The following DLG2 variants were observed in gnomAD, a reference collection of about 807,000 sequenced individuals.
The protein encoded by DLG2 is disks large homolog 2.
Under a neutral mutation model 132.5 loss-of-function variants are expected in DLG2, and 45 were observed. The observed-to-expected ratio is 0.34, with a 90% CI of 0.27 to 0.44. The LOEUF is 0.44. DLG2 is among the 20% of genes least tolerant of loss of function. DLG2 has a pLI of 1.00. For missense variants in DLG2, 1,045 were observed against 1,196.9 expected (o/e 0.87, Z 1.87); for synonymous variants, 424 against 419.6 (o/e 1.01, Z -0.13).
intron 3 of DLG2, among the ~76,000 whole-genome samples, chr11:85,306,737 T>C (rs2079974301): frequency 6.6e-6 from 1 of 152,062 alleles, no homozygotes; most frequent in Non-Finnish European, 1.5e-5. Context: ...CACGCCCGGC[T>C]AATTTTTTGT....
At chr11:84,997,001 T>C in intron 6 of DLG2, among the ~76,000 whole-genome samples, 1 of 152,096 alleles carries the variant, frequency 6.6e-6, no homozygotes, top group East Asian at 1.9e-4. Context: ...GGTCATGCAG[T>C]AGTGCTGAGA....
chr11:85,085,418 T>C (rs1259389015), intron 6 of DLG2, among the ~76,000 whole-genome samples: 2 of 152,142 alleles, frequency 1.3e-5, no homozygotes, highest in Non-Finnish European at 2.9e-5. Flanking sequence ...ATTCCCTTCC[T>C]TTGTAACTTA....
chr11:84,966,829 T>A (rs978403080), intron 6 of DLG2, among the ~76,000 whole-genome samples: 4 of 152,104 alleles, frequency 2.6e-5, no homozygotes, highest in African/African-American at 9.7e-5. Flanking sequence ...AGAAATAATT[T>A]TAAAGATTCT....
At chr11:84,899,480 G>A (rs184638849) in intron 6 of DLG2, among the ~76,000 whole-genome samples, 40 of 152,118 alleles carry the variant, frequency 2.6e-4, no homozygotes, top group Non-Finnish European at 4.4e-4. Flanking sequence ...GGACCTCACC[G>A]TGCAACAAAT....
intron 16 of DLG2, among the ~76,000 whole-genome samples, chr11:83,848,483 T>C (rs1476979284): frequency 6.6e-6 from 1 of 152,232 alleles, no homozygotes; most frequent in Non-Finnish European, 1.5e-5. Flanking sequence ...TTCTCCCTTT[T>C]GTTCCTTATC....
chr11:83,995,418 G>A (rs961173239), intron 11 of DLG2, among the ~76,000 whole-genome samples: 1 of 152,122 alleles, frequency 6.6e-6, no homozygotes, highest in Non-Finnish European at 1.5e-5. Flanking sequence ...AATGAGGAGA[G>A]AGACTTTGAA....
chr11:83,631,359 ATTGAACAT>A (rs2063532243), intron 19 of DLG2: 1 of 151,900 alleles, frequency 6.6e-6, no homozygotes. Context: ...AGTAGTAATA[ATTGAACAT>A]TTGGAAACTA....
intron 7 of DLG2, among the ~76,000 whole-genome samples, chr11:84,497,627 A>G (rs561314421): frequency 4.6e-5 from 7 of 152,324 alleles, no homozygotes; most frequent in African/African-American, 1.4e-4. Context: ...TGTCCTCTGC[A>G]TGGCTCACAT....
chr11:85,183,811 A>T (rs1035703200), intron 4 of DLG2, among the ~76,000 whole-genome samples: 1 of 151,680 alleles, frequency 6.6e-6, no homozygotes, highest in African/African-American at 2.4e-5. Context: ...CTTAGCTGGA[A>T]CTCCATCCGT....
intron 21 of DLG2, chr11:83,486,117 TC>T: frequency 1.7e-6 from 1 of 586,316 alleles, no homozygotes; most frequent in Admixed American, 3.3e-5. Flanking sequence ...AGGGTTGGTG[TC>T]CAAAAACAAG....
intron 6 of DLG2, among the ~76,000 whole-genome samples, chr11:84,672,029 A>G (rs2099706450): frequency 6.6e-6 from 1 of 152,170 alleles, no homozygotes; most frequent in Non-Finnish European, 1.5e-5. Context: ...CCTCATTTGA[A>G]CAGTCCTCAT....
intron 17 of DLG2, among the ~76,000 whole-genome samples, chr11:83,794,437 G>GTTTTTT (rs200672667): frequency 7.8e-6 from 1 of 127,498 alleles, no homozygotes; most frequent in Non-Finnish European, 1.7e-5. Flanking sequence ...TTTACTATTG[G>GTTTTTT]TTTTTTTTTT....
chr11:85,221,144 G>A (rs575250045), intron 4 of DLG2, among the ~76,000 whole-genome samples: 61 of 151,658 alleles, frequency 4.0e-4, no homozygotes, highest in South Asian at 1.5e-3. Context: ...CTGGGTTCAT[G>A]CCATTCTCCT....
At chr11:84,259,961 A>G (rs1057082939) in intron 7 of DLG2, among the ~76,000 whole-genome samples, 3 of 152,184 alleles carry the variant, frequency 2.0e-5, no homozygotes, top group African/African-American at 7.2e-5. Context: ...TCTAGTCAAC[A>G]CAATTTGTCT....
intron 7 of DLG2, among the ~76,000 whole-genome samples, chr11:84,396,934 T>C (rs543424730): frequency 1.4e-4 from 21 of 152,284 alleles, no homozygotes; most frequent in Middle Eastern, 6.8e-3. Flanking sequence ...AGGTCCTAAA[T>C]TTAAGGGGGT....
intron 7 of DLG2, among the ~76,000 whole-genome samples, chr11:84,358,413 T>G (rs143591279): frequency 1.9e-3 from 287 of 151,486 alleles, no homozygotes; most frequent in African/African-American, 6.7e-3. Context: ...AAACCTACTT[T>G]CATTGGTATA....
At chr11:84,727,772 T>C (rs531126225) in intron 6 of DLG2, among the ~76,000 whole-genome samples, 51 of 152,346 alleles carry the variant, frequency 3.3e-4, no homozygotes, top group Admixed American at 9.8e-4. Context: ...TCTTATTTCC[T>C]TGAGCGGTGG....
chr11:85,587,953 G>A (rs952306314), intron 3 of DLG2, among the ~76,000 whole-genome samples: 28 of 152,140 alleles, frequency 1.8e-4, no homozygotes, highest in African/African-American at 6.8e-4. Flanking sequence ...CTTCATTTAT[G>A]AAGCTCAGTT....
chr11:84,450,106 G>T (rs1304554051), intron 7 of DLG2, among the ~76,000 whole-genome samples: 1 of 151,742 alleles, frequency 6.6e-6, no homozygotes, highest in Admixed American at 6.6e-5. Flanking sequence ...AAATTTCAGA[G>T]GAATTGATTA....
Sources: allele counts gnomAD v4.1 joint callset (sites outside exome capture counted in the v4.1 genomes callset), GRCh38; gene constraint gnomAD v4.1.1; transcripts MANE v1.5; gene names NCBI Gene and HGNC (gene_info 2026-07-23, HGNC 2026-07-21).